The following STXBP6 variants were observed in gnomAD, a reference collection of about 807,000 sequenced individuals.
STXBP6 encodes syntaxin binding protein 6, also known as syntaxin-binding protein 6.
STXBP6 carries 21 observed loss-of-function variants against 26.9 expected under a neutral mutation model. The ratio of observed to expected loss-of-function variants is 0.78; its 90% CI spans 0.55 to 1.12. The LOEUF (loss-of-function observed/expected upper bound fraction) is 1.12. Among genes scored for constraint, STXBP6 ranks in the 50% most tolerant of loss-of-function variants. The pLI, the probability that STXBP6 is intolerant of heterozygous loss-of-function variation, is 0.00. For synonymous variants in STXBP6, 97 were observed against 92.6 expected, an observed-to-expected ratio of 1.05 and a Z score of -0.27; for missense variants, 232 against 257.9, an observed-to-expected ratio of 0.90 and a Z score of 0.69.
chr14:24,927,087 A>G (rs2072202707), intron 2 of STXBP6, among the ~76,000 whole-genome samples: 1 of 152,234 alleles, frequency 6.6e-6, no homozygotes, highest in African/African-American at 2.4e-5. Flanking sequence ...GTATAAAGGA[A>G]TCATAATGGA....
chr14:25,017,988 C>T lies in STXBP6; in HGVS notation c.-33+31890G>A, dbSNP rs146864390. On this transcript the variant is annotated intron_variant, in intron 1 of 5. Coordinates refer to ENST00000323944, the MANE Select transcript of STXBP6 (RefSeq NM_001394410.1). ...CAAATGCTCTTGGTCGTGGATCACC[C>T]ATAGGTCTTCTCCTCAAGTAAGCAA... Among the ~76,000 whole-genome samples the T allele has an allele frequency of 4.5e-3, 692 of 152,270 alleles. 19 individuals carry two copies. The highest frequency in any genetic ancestry group is 0.037 in the Admixed American group (558 of 15,274).
intron 1 of STXBP6, among the ~76,000 whole-genome samples, chr14:25,045,605 C>CTT (rs397700377): frequency 7.4e-5 from 8 of 107,774 alleles, no homozygotes; most frequent in Admixed American, 9.4e-5. Context: ...TTTTTCTTTT[C>CTT]TTTTTTTTTT....
At chr14:25,038,515 A>T (rs184495212) in intron 1 of STXBP6, among the ~76,000 whole-genome samples, 6 of 152,242 alleles carry the variant, frequency 3.9e-5, no homozygotes, top group African/African-American at 1.2e-4. Context: ...ACTATCCAAT[A>T]ATGAAAATAA....
At chr14:24,848,159 CAT>C (rs2069028044) in intron 4 of STXBP6, among the ~76,000 whole-genome samples, 1 of 152,144 alleles carries the variant, frequency 6.6e-6, no homozygotes, top group African/African-American at 2.4e-5. Context: ...TGTTTAAAAA[CAT>C]AGAATATTTA....
In STXBP6 at chr14:24,810,875, G is replaced by C. The variant is rs2067803232; in HGVS notation, c.*1834C>G. On this transcript the variant is annotated 3_prime_UTR_variant, in exon 6 of 6. Coordinates refer to ENST00000323944, the MANE Select transcript of STXBP6 (RefSeq NM_001394410.1). ...AAGATAAATACATCTCTGTGTGTGTGTGTGTGTGTGTGTGTGTGTGTGTGT... is the reference window on the plus strand; with the variant it reads ...AAGATAAATACATCTCTGTGTGTGTCTGTGTGTGTGTGTGTGTGTGTGTGT... The C allele has an allele frequency of 6.6e-6, 1 of 151,150 alleles. No homozygotes were observed. Among genetic ancestry groups the C allele is most frequent in the East Asian group, 1.9e-4 (1 of 5,138 alleles). 9.4% of individuals were successfully genotyped at this position (151,150 alleles called of 1,614,324 possible). A position where few individuals can be genotyped will look rare whatever the true frequency, so the allele number is the denominator to read the frequency against.
At chr14:25,038,921 A>G (rs2075597611) in intron 1 of STXBP6, among the ~76,000 whole-genome samples, 1 of 152,170 alleles carries the variant, frequency 6.6e-6, no homozygotes, top group Non-Finnish European at 1.5e-5. Context: ...TAGATAGGAG[A>G]AATGAATACA....
At chr14:24,821,041 C>A (rs897699983) in intron 4 of STXBP6, among the ~76,000 whole-genome samples, 1 of 152,148 alleles carries the variant, frequency 6.6e-6, no homozygotes, top group Non-Finnish European at 1.5e-5. Flanking sequence ...ACCCATGCCA[C>A]ATGGAAAGTC....
chr14:24,827,563 A>G (rs2068323991), intron 4 of STXBP6, among the ~76,000 whole-genome samples: 1 of 152,060 alleles, frequency 6.6e-6, no homozygotes, highest in African/African-American at 2.4e-5. Flanking sequence ...TCCCACACCA[A>G]AATGCTCATG....
chr14:24,852,018 C>T (rs1230531816), intron 4 of STXBP6, among the ~76,000 whole-genome samples: 1 of 152,128 alleles, frequency 6.6e-6, no homozygotes, highest in Non-Finnish European at 1.5e-5. Flanking sequence ...AATTCTACTT[C>T]TTAGATTATA....
chr14:25,007,356 G>C (rs1357463150), intron 1 of STXBP6, among the ~76,000 whole-genome samples: 3 of 152,212 alleles, frequency 2.0e-5, no homozygotes, highest in Non-Finnish European at 4.4e-5. Context: ...AATGCTTTCT[G>C]ACGGTGACTG....
At chr14:24,986,933 A>C (rs996325646) in intron 1 of STXBP6, among the ~76,000 whole-genome samples, 30 of 152,190 alleles carry the variant, frequency 2.0e-4, no homozygotes, top group African/African-American at 6.0e-4. Flanking sequence ...GGTCAGACTC[A>C]AAGTCCATAT....
intron 2 of STXBP6, among the ~76,000 whole-genome samples, chr14:24,940,755 C>T (rs536539689): frequency 2.0e-5 from 3 of 152,326 alleles, no homozygotes; most frequent in Admixed American, 1.3e-4. Context: ...GTGGCTCACG[C>T]CTGTAATCCC....
rs747010332 is a variant in STXBP6, at chr14:25,002,359, C to CTTTTTTTTTTTTTTTTTTTTTTTTTTT, written c.-32-27510_-32-27509insAAAAAAAAAAAAAAAAAAAAAAAAAAA. ...ATCCCATACAGTTAAATTCTTATGA[C>CTTTTTTTTTTTTTTTTTTTTTTTTTTT]TTTTTTTTTTTTTTTTTTGAGACAC... is the stretch of plus-strand genomic sequence containing the variant. On this transcript the variant is annotated intron_variant, in intron 1 of 5. Transcript: ENST00000323944. Among the ~76,000 whole-genome samples the CTTTTTTTTTTTTTTTTTTTTTTTTTTT allele has an allele frequency of 1.3e-4, 16 of 121,360 alleles. 3 individuals are homozygous for CTTTTTTTTTTTTTTTTTTTTTTTTTTT. The highest frequency in any genetic ancestry group is 2.0e-4 in the Non-Finnish European group (12 of 59,418). 79.6% of individuals were successfully genotyped at this position (121,360 alleles called of 152,430 possible).
At chr14:24,995,671 A>G (rs974668056) in intron 1 of STXBP6, among the ~76,000 whole-genome samples, 1 of 152,210 alleles carries the variant, frequency 6.6e-6, no homozygotes, top group African/African-American at 2.4e-5. Flanking sequence ...CCTAGCTCCT[A>G]GAAAATAAAC....
At chr14:24,927,797 A>T (rs1025701042) in intron 2 of STXBP6, among the ~76,000 whole-genome samples, 1 of 152,144 alleles carries the variant, frequency 6.6e-6, no homozygotes, top group African/African-American at 2.4e-5. Context: ...CCCTCCCTTC[A>T]GTGGGTTATG....
chr14:24,870,355 A>T (rs2069883110), intron 2 of STXBP6, among the ~76,000 whole-genome samples: 1 of 152,176 alleles, frequency 6.6e-6, no homozygotes, highest in South Asian at 2.1e-4. Context: ...TTAATGTACA[A>T]ACTAAAGTTC....
intron 1 of STXBP6, among the ~76,000 whole-genome samples, chr14:25,038,787 C>G (rs1313899606): frequency 1.3e-5 from 2 of 151,756 alleles, no homozygotes; most frequent in Admixed American, 1.3e-4. Context: ...TATAACAAAC[C>G]TACACGTGTA....
chr14:24,956,624 C>G (rs2073352845), intron 2 of STXBP6, among the ~76,000 whole-genome samples: 1 of 152,254 alleles, frequency 6.6e-6, no homozygotes, highest in Admixed American at 6.5e-5. Flanking sequence ...TAAGACTCTC[C>G]ACCCAACAAA....
chr14:24,903,188 G>C (rs201642239), intron 2 of STXBP6, among the ~76,000 whole-genome samples: 1 of 152,100 alleles, frequency 6.6e-6, no homozygotes, highest in East Asian at 1.9e-4. Context: ...GGATTTGTTA[G>C]AGCTCGCATT....
Sources: gnomAD v4.1 joint callset for allele counts (sites outside exome capture counted in the v4.1 genomes callset) on GRCh38, gnomAD v4.1.1 for gene constraint, MANE v1.5 for transcripts, NCBI Gene and HGNC (gene_info 2026-07-23, HGNC 2026-07-21) for gene names.